The following RGS5 variants were observed in gnomAD, a reference collection of about 807,000 sequenced individuals.
The protein encoded by RGS5 is regulator of G-protein signalling 5.
Under a neutral mutation model 18.9 loss-of-function variants are expected in RGS5, and 20 were observed. The ratio of observed to expected loss-of-function variants is 1.06; its 90% CI spans 0.74 to 1.54. The LOEUF is 1.54. Among genes scored for constraint, RGS5 ranks in the 40% most tolerant of loss-of-function variants. The pLI is 0.00. For synonymous variants in RGS5, 57 were observed against 76.2 expected, an observed-to-expected ratio of 0.75 and a Z score of 1.31; for missense variants, 201 against 211.8, an observed-to-expected ratio of 0.95 and a Z score of 0.32.
chr1:163,311,468 T>C (rs551720361), intron 1 of RGS5, among the ~76,000 whole-genome samples: 2 of 152,350 alleles, frequency 1.3e-5, no homozygotes, highest in Non-Finnish European at 2.9e-5. Context: ...TTGATATGCT[T>C]TTCTCACTAA....
At chr1:163,201,153 A>T (rs531480633) in intron 1 of RGS5, among the ~76,000 whole-genome samples, 3 of 152,190 alleles carry the variant, frequency 2.0e-5, no homozygotes, top group Non-Finnish European at 4.4e-5. Flanking sequence ...ACTACATAAG[A>T]GTACACAATT....
In RGS5 at chr1:163,298,126, A is replaced by G. The variant is rs563390769; in HGVS notation, c.-281+8107T>C. 2.3e-4 allele frequency among the ~76,000 whole-genome samples: 35 copies of G among 152,258 alleles called. No individual in the cohort carries two copies. The South Asian group carries it at 6.2e-3, about 27-fold the overall frequency. On this transcript the variant is annotated intron_variant, in intron 2 of 5. Transcript: ENST00000618415. ...GAACACTAACAATACACAAGGCAAA[A>G]TGCAAGGGATGGAGGGAAAACAGGA...
chr1:163,240,161 T>A (rs1647750397), intron 2 of RGS5, among the ~76,000 whole-genome samples: 1 of 152,116 alleles, frequency 6.6e-6, no homozygotes, highest in Non-Finnish European at 1.5e-5. Flanking sequence ...GTGAGTTATA[T>A]AAAATAATAT....
intron 2 of RGS5, among the ~76,000 whole-genome samples, chr1:163,249,478 GCTGCTA>G (rs1311948806): frequency 2.2e-3 from 331 of 152,294 alleles, no homozygotes; most frequent in African/African-American, 7.8e-3. Flanking sequence ...CTCTTTCCAT[GCTGCTA>G]TTTCCTTTTT....
At chr1:163,204,867 G>C (rs1168591744), upstream of RGS5, among the ~76,000 whole-genome samples, 1 of 152,108 alleles carries the variant, frequency 6.6e-6, no homozygotes, top group African/African-American at 2.4e-5. Flanking sequence ...AATATGAAAA[G>C]AAAAACCCCA....
intron 2 of RGS5, among the ~76,000 whole-genome samples, chr1:163,266,349 C>A (rs964258840): frequency 1.3e-5 from 2 of 152,102 alleles, no homozygotes; most frequent in Admixed American, 1.3e-4. Flanking sequence ...CTCATCATCT[C>A]TTTTTTGATT....
intron 1 of RGS5, among the ~76,000 whole-genome samples, chr1:163,311,913 A>C (rs1015948470): frequency 6.6e-6 from 1 of 152,258 alleles, no homozygotes; most frequent in African/African-American, 2.4e-5. Context: ...ATTTGTCAAA[A>C]ATGCAGTATC....
chr1:163,205,292 C>G (rs1659920861), upstream of RGS5, among the ~76,000 whole-genome samples: 1 of 125,306 alleles, frequency 8.0e-6, no homozygotes, highest in Non-Finnish European at 1.6e-5. Context: ...CTGTACCGTA[C>G]ACTTAAAAAT....
chr1:163,197,903 A>T (rs1247217991), intron 1 of RGS5, among the ~76,000 whole-genome samples: 2 of 152,138 alleles, frequency 1.3e-5, no homozygotes, highest in Non-Finnish European at 1.5e-5. Context: ...CCAGTCTTTA[A>T]TTCACTTGGT....
chr1:163,217,438 A>T, intron 1 of RGS5: 2 of 1,359,900 alleles, frequency 1.5e-6, no homozygotes, highest in South Asian at 3.4e-5. Context: ...CACTATTGGC[A>T]TCCTTCCACA....
At chr1:163,249,705 C>T (rs1236166252) in intron 2 of RGS5, among the ~76,000 whole-genome samples, 2 of 152,146 alleles carry the variant, frequency 1.3e-5, no homozygotes, top group East Asian at 3.9e-4. Context: ...GCAGGAGAAT[C>T]GCTTGAAACC....
chr1:163,306,361 A>G (rs912533922), intron 1 of RGS5: 1 of 152,238 alleles, frequency 6.6e-6, no homozygotes, highest in Non-Finnish European at 1.5e-5. Flanking sequence ...GCATGTACTC[A>G]GCATGTTGCA....
At chr1:163,164,698 A>G (rs986046324) in intron 2 of RGS5, among the ~76,000 whole-genome samples, 1 of 152,238 alleles carries the variant, frequency 6.6e-6, no homozygotes, top group African/African-American at 2.4e-5. Context: ...GATGAAAGCC[A>G]CAAATAACCC....
chr1:163,209,804 T>C (rs1410614421), intron 1 of RGS5, among the ~76,000 whole-genome samples: 1 of 152,158 alleles, frequency 6.6e-6, no homozygotes, highest in Non-Finnish European at 1.5e-5. Flanking sequence ...GATAGTTTTC[T>C]TTTTCTTTAC....
At chr1:163,147,913 T>TTTTTCTTTTTTTTC (rs1334235651) in intron 4 of RGS5, among the ~76,000 whole-genome samples, 9 of 53,016 alleles carry the variant, frequency 1.7e-4, no homozygotes, top group African/African-American at 5.6e-4. Flanking sequence ...TGCTTTTTTC[T>TTTTTCTTTTTTTTC]TTTTCTTTTT....
chr1:163,165,996 C>T lies in RGS5; in HGVS notation c.155+2262G>A, dbSNP rs1472938164. On this transcript the variant is annotated intron_variant, in intron 2 of 4. Transcript: ENST00000313961. ...AGATGGGGCCTTAGAAACAACAGTT[C>T]GGGTGAGGTAGTAAGGTTGAAGCTG... 3.3e-5 allele frequency among the ~76,000 whole-genome samples: 5 copies of T among 151,724 alleles called. No homozygotes were observed. The South Asian group carries it at 6.2e-4, about 19-fold the overall frequency.
At chr1:163,220,878 G>C (rs1002541520), upstream of RGS5, among the ~76,000 whole-genome samples, 12 of 152,108 alleles carry the variant, frequency 7.9e-5, no homozygotes, top group African/African-American at 2.7e-4. Context: ...GTGCAAGGAA[G>C]GGGTCATGGA....
At chr1:163,255,124 G>A (rs1015115654) in intron 2 of RGS5, among the ~76,000 whole-genome samples, 15 of 152,008 alleles carry the variant, frequency 9.9e-5, no homozygotes, top group Non-Finnish European at 7.4e-5. Flanking sequence ...TTGACTTGGC[G>A]ATGTGGGCTC....
At chr1:163,158,000 A>G (rs1170071329) in intron 3 of RGS5, among the ~76,000 whole-genome samples, 1 of 152,148 alleles carries the variant, frequency 6.6e-6, no homozygotes, top group Non-Finnish European at 1.5e-5. Context: ...TTTTAGATGT[A>G]TATATGTCCC....
Sources: gnomAD v4.1 joint callset for allele counts (sites outside exome capture counted in the v4.1 genomes callset) on GRCh38, gnomAD v4.1.1 for gene constraint, MANE v1.5 for transcripts, NCBI Gene and HGNC (gene_info 2026-07-23, HGNC 2026-07-21) for gene names.